AGBL4: variants seen among roughly 807,000 people sequenced by gnomAD.
The protein encoded by AGBL4 is cytosolic carboxypeptidase 6.
Under a neutral mutation model 66.4 loss-of-function variants are expected in AGBL4, and 58 were observed. The ratio of observed to expected loss-of-function variants is 0.87; its 90% confidence interval spans 0.71 to 1.09. The LOEUF is 1.09. Among genes scored for constraint, AGBL4 ranks in the 50% least tolerant of loss-of-function variants. AGBL4 has a pLI of 0.00. For synonymous variants in AGBL4, 234 were observed against 222.9 expected (o/e 1.05, Z -0.44); for missense variants, 579 against 631.0 (o/e 0.92, Z 0.88).
chr1:49,565,198 T>G (rs1486416177), intron 3 of AGBL4, among the ~76,000 whole-genome samples: 1 of 152,216 alleles, frequency 6.6e-6, no homozygotes, highest in Non-Finnish European at 1.5e-5. Context: ...CCTATGTGTG[T>G]CTCTGCACAT....
intron 6 of AGBL4, among the ~76,000 whole-genome samples, chr1:48,859,094 G>T (rs1647277907): frequency 6.6e-6 from 1 of 151,866 alleles, no homozygotes; most frequent in Admixed American, 6.6e-5. Flanking sequence ...AGTTTTTAAG[G>T]GGAGAGTCGT....
At chr1:49,779,109 G>GCTGAGC (rs1644272288) in intron 2 of AGBL4, among the ~76,000 whole-genome samples, 1 of 152,108 alleles carries the variant, frequency 6.6e-6, no homozygotes, top group African/African-American at 2.4e-5. Flanking sequence ...ATAAGAAAGA[G>GCTGAGC]CTGAGCTGAA....
At chr1:48,560,285 A>G (rs1238852050) in intron 11 of AGBL4, among the ~76,000 whole-genome samples, 1 of 152,210 alleles carries the variant, frequency 6.6e-6, no homozygotes, top group African/African-American at 2.4e-5. Context: ...TGAGATGCTC[A>G]GGTTCAAACT....
intron 4 of AGBL4, among the ~76,000 whole-genome samples, chr1:49,189,315 C>T (rs913532553): frequency 6.6e-6 from 1 of 152,146 alleles, no homozygotes; most frequent in Admixed American, 6.6e-5. Flanking sequence ...ATGAACACCT[C>T]GTTCCTGGTA....
Position 49,750,475 on chromosome 1 carries a change from C to T in AGBL4, c.158-53038G>A, listed in dbSNP as rs187301259. 8.0e-4 allele frequency among the ~76,000 whole-genome samples: 122 copies of T among 152,148 alleles called. 1 individual carries two copies. The highest frequency in any genetic ancestry group is 3.4e-3 in the Middle Eastern group (1 of 294). On this transcript the variant is annotated intron_variant, in intron 2 of 13. Coordinates refer to ENST00000371839, the MANE Select transcript of AGBL4 (RefSeq NM_032785.4). ...TATATCTGTTTTGGTACCTGTACCACGCTGTTTGGGTTACTGTAGTCTTGC... is the reference window on the plus strand; with the variant it reads ...TATATCTGTTTTGGTACCTGTACCATGCTGTTTGGGTTACTGTAGTCTTGC...
rs898165309 is a variant in AGBL4, at chr1:49,593,646, A to G, written c.282+103667T>C. On this transcript the variant is annotated intron_variant, in intron 3 of 13. Transcript: ENST00000371839. ...ATTGTCGCTATATGAACCCAGCGCTACTTATTGTCTTGCTTGGGGCAGGTT... is the reference window on the plus strand; with the variant it reads ...ATTGTCGCTATATGAACCCAGCGCTGCTTATTGTCTTGCTTGGGGCAGGTT... 3.3e-5 allele frequency among the ~76,000 whole-genome samples: 5 copies of G among 152,184 alleles called. No homozygotes were observed. The South Asian group carries it at 1.0e-3, about 32-fold the overall frequency.
chr1:49,968,011 G>T (rs976454600), intron 1 of AGBL4, among the ~76,000 whole-genome samples: 20 of 152,154 alleles, frequency 1.3e-4, no homozygotes, highest in African/African-American at 4.6e-4. Flanking sequence ...ATCACCTGAG[G>T]TCAGGAGTTC....
At chr1:49,948,227 T>TATATAAATATATAAATAAATAC (rs1255602271) in intron 1 of AGBL4, among the ~76,000 whole-genome samples, 4 of 103,840 alleles carry the variant, frequency 3.9e-5, no homozygotes, top group African/African-American at 1.3e-4. Flanking sequence ...TATATAAATA[T>TATATAAATATATAAATAAATAC]ATATAAATAT....
intron 3 of AGBL4, among the ~76,000 whole-genome samples, chr1:49,393,187 T>C (rs1644885955): frequency 6.6e-6 from 1 of 152,188 alleles, no homozygotes; most frequent in Non-Finnish European, 1.5e-5. Context: ...TTAATTGAGA[T>C]AGTAATGGTT....
Position 48,987,547 on chromosome 1 carries a change from G to A in AGBL4, c.594+58037C>T, listed in dbSNP as rs137898572. ...AAAATTGATAGAATTGAACAAATCC[G>A]TAATTATAATCAGAGATTTCAATAC... On this transcript the variant is annotated intron_variant, in intron 5 of 13. Coordinates refer to ENST00000371839, the MANE Select transcript of AGBL4 (RefSeq NM_032785.4). 8.5e-5 allele frequency among the ~76,000 whole-genome samples: 13 copies of A among 152,144 alleles called. No homozygotes were observed. The East Asian group carries it at 1.7e-3, about 20-fold the overall frequency.
intron 4 of AGBL4, among the ~76,000 whole-genome samples, chr1:49,116,432 C>T (rs544530985): frequency 1.2e-4 from 18 of 152,296 alleles, no homozygotes; most frequent in African/African-American, 4.3e-4. Flanking sequence ...CAAGTATTCT[C>T]ATTGTTGAAT....
intron 4 of AGBL4, among the ~76,000 whole-genome samples, chr1:49,224,932 G>A (rs577304653): frequency 6.6e-5 from 10 of 152,294 alleles, no homozygotes; most frequent in South Asian, 2.1e-4. Flanking sequence ...ATACGTATGC[G>A]CATGTGGTTG....
intron 9 of AGBL4, among the ~76,000 whole-genome samples, chr1:48,604,590 T>A (rs1645128042): frequency 6.6e-6 from 1 of 152,168 alleles, no homozygotes; most frequent in Admixed American, 6.5e-5. Flanking sequence ...CACACTTTTG[T>A]TAGGATACAG....
chr1:49,103,292 G>T (rs1645235545), intron 4 of AGBL4, among the ~76,000 whole-genome samples: 1 of 152,158 alleles, frequency 6.6e-6, no homozygotes, highest in Admixed American at 6.5e-5. Flanking sequence ...CTCTCAAGAT[G>T]ATGCAAGCAC....
chr1:49,886,110 C>T (rs1276291112), intron 1 of AGBL4, among the ~76,000 whole-genome samples: 1 of 152,164 alleles, frequency 6.6e-6, no homozygotes, highest in Non-Finnish European at 1.5e-5. Flanking sequence ...ACACAGGAAT[C>T]ACTTACACCT....
chr1:48,527,540 T>C, the AGBL4 span, among the ~76,000 whole-genome samples: 1 of 150,666 alleles, frequency 6.6e-6, no homozygotes, highest in East Asian at 2.0e-4. Flanking sequence ...GAGATTGCAG[T>C]GAGCTGAGAT....
At chr1:49,990,918 GA>G (rs1449253439) in intron 1 of AGBL4, among the ~76,000 whole-genome samples, 2 of 152,110 alleles carry the variant, frequency 1.3e-5, no homozygotes, top group Non-Finnish European at 2.9e-5. Context: ...GTGTTGTAAA[GA>G]TGCACTATTA....
At chr1:49,935,291 G>A (rs60404100) in intron 1 of AGBL4, among the ~76,000 whole-genome samples, 11 of 152,352 alleles carry the variant, frequency 7.2e-5, no homozygotes, top group African/African-American at 2.4e-4. Flanking sequence ...AGGGGCGCCC[G>A]CCATTGCCCA....
intron 3 of AGBL4, among the ~76,000 whole-genome samples, chr1:49,488,843 T>C (rs532311856): frequency 3.3e-5 from 5 of 151,968 alleles, no homozygotes; most frequent in Admixed American, 2.6e-4. Context: ...GTTCCATCTA[T>C]GTTGTTGCAA....
Sources: gnomAD v4.1 joint callset for allele counts (sites outside exome capture counted in the v4.1 genomes callset) on GRCh38, gnomAD v4.1.1 for gene constraint, MANE v1.5 for transcripts, NCBI Gene and HGNC (gene_info 2026-07-23, HGNC 2026-07-21) for gene names.